Variants in BBS9 observed in about 807,000 individuals in gnomAD.
BBS9 encodes the protein Bardet-Biedl syndrome 9, also known as protein PTHB1.
A neutral mutation model predicts 117.7 loss-of-function variants in BBS9; 89 were observed. The observed-to-expected ratio is 0.76, with a 90% CI of 0.64 to 0.90. BBS9 has a LOEUF of 0.90. Among genes scored for constraint, BBS9 ranks in the 40% least tolerant of loss-of-function variants. The pLI, the probability that BBS9 is intolerant of heterozygous loss-of-function variation, is 0.00. For synonymous variants in BBS9, 379 were observed against 370.9 expected, an observed-to-expected ratio of 1.02 and a Z score of -0.25; for missense variants, 982 against 1,042.2, an observed-to-expected ratio of 0.94 and a Z score of 0.80.
intron 5 of BBS9, among the ~76,000 whole-genome samples, chr7:33,188,530 C>G (rs1167924142): frequency 6.6e-6 from 1 of 151,838 alleles, no homozygotes; most frequent in Non-Finnish European, 1.5e-5. Context: ...TTGAGAATGA[C>G]AAATTTAAGG....
chr7:33,202,602 G>A (rs1201660081), intron 5 of BBS9, among the ~76,000 whole-genome samples: 1 of 152,248 alleles, frequency 6.6e-6, no homozygotes, highest in East Asian at 1.9e-4. Flanking sequence ...TGAAGGGGAA[G>A]CAGGCACGTC....
rs985558319 is a variant in BBS9 at position 33,167,226 on chromosome 7, T to C, written c.329-10252T>C. ...TCACAGCACTGATAACTGAAAGTTA[T>C]AGGTATTTTGACTTGGATCATGGAG... On this transcript the variant is annotated intron_variant, in intron 4 of 22. Coordinates refer to ENST00000242067, the MANE Select transcript of BBS9 (RefSeq NM_198428.3). Among the ~76,000 whole-genome samples, 5 of 152,280 alleles carry C rather than the reference T, an allele frequency of 3.3e-5. No homozygotes were observed. The East Asian group carries it at 7.7e-4, about 23-fold the overall frequency.
chr7:33,213,267 A>T (rs1223619700), intron 5 of BBS9, among the ~76,000 whole-genome samples: 1 of 152,142 alleles, frequency 6.6e-6, no homozygotes, highest in Non-Finnish European at 1.5e-5. Flanking sequence ...CACCACTACC[A>T]CTGGCCCACA....
intron 1 of BBS9, among the ~76,000 whole-genome samples, chr7:33,145,315 G>A (rs1792164428): frequency 6.6e-6 from 1 of 152,164 alleles, no homozygotes; most frequent in Non-Finnish European, 1.5e-5. Flanking sequence ...ATGTGATGCT[G>A]TGTTGTAATT....
At chr7:33,575,977 A>T (rs895148228) in intron 21 of BBS9, among the ~76,000 whole-genome samples, 16 of 152,010 alleles carry the variant, frequency 1.1e-4, no homozygotes. Flanking sequence ...CTGGAAGCAT[A>T]CCCTTTGAAA....
At chr7:33,302,050 A>G (rs979444433) in intron 9 of BBS9, among the ~76,000 whole-genome samples, 1 of 152,116 alleles carries the variant, frequency 6.6e-6, no homozygotes, top group Non-Finnish European at 1.5e-5. Context: ...ACCTTCTCAT[A>G]TGCTTGTTTG....
chr7:33,409,575 A>C (rs1254185494), intron 19 of BBS9, among the ~76,000 whole-genome samples: 5 of 152,098 alleles, frequency 3.3e-5, no homozygotes, highest in Admixed American at 2.6e-4. Context: ...TATAGTTTGA[A>C]CTTGGGTAAT....
intron 20 of BBS9, among the ~76,000 whole-genome samples, chr7:33,516,961 G>A (rs570025921): frequency 1.4e-4 from 22 of 152,274 alleles, no homozygotes; most frequent in African/African-American, 5.1e-4. Flanking sequence ...ATTTGGAGTG[G>A]TGAAACTCCC....
At chr7:33,221,781 G>A (rs1790282784) in intron 5 of BBS9, among the ~76,000 whole-genome samples, 1 of 152,196 alleles carries the variant, frequency 6.6e-6, no homozygotes, top group South Asian at 2.1e-4. Context: ...GAGGTATGTG[G>A]CAAGTTTGAA....
At position 33,582,875 on chromosome 7, in the gene BBS9, G is replaced by GT. The variant is rs548396708; in HGVS notation, c.2522-21987dup. Among the ~76,000 whole-genome samples the GT allele has an allele frequency of 3.0e-3, 459 of 152,224 alleles. 3 individuals are homozygous for GT. Among genetic ancestry groups the GT allele is most frequent in the African/African-American group, 0.011 (442 of 41,546 alleles). On this transcript the variant is annotated intron_variant, in intron 21 of 22. Transcript: ENST00000242067. ...TGCCATGGTGTTGCACGTCTGCTCA[G>GT]TTTGTGGGAGCTCCATACCACATCT...
At chr7:33,158,843 G>GC (rs1166547405) in intron 4 of BBS9, among the ~76,000 whole-genome samples, 8 of 151,578 alleles carry the variant, frequency 5.3e-5, no homozygotes, top group Admixed American at 2.0e-4. Flanking sequence ...GAATTGGGCA[G>GC]TCTCTTGAGC....
chr7:33,461,346 C>T (rs1367662382), intron 19 of BBS9, among the ~76,000 whole-genome samples: 3 of 152,060 alleles, frequency 2.0e-5, no homozygotes, highest in Middle Eastern at 3.4e-3. Context: ...AAAAGCTATT[C>T]CTAACTTTAT....
At chr7:33,547,822 A>C (rs538519093) in intron 21 of BBS9, among the ~76,000 whole-genome samples, 1 of 152,342 alleles carries the variant, frequency 6.6e-6, no homozygotes, top group East Asian at 1.9e-4. Context: ...GCTATAGTTT[A>C]TAAATAAAGA....
chr7:33,628,508 G>T (rs1221934075), intron 21 of BBS9, among the ~76,000 whole-genome samples: 1 of 152,176 alleles, frequency 6.6e-6, no homozygotes, highest in African/African-American at 2.4e-5. Flanking sequence ...ACCTATTATT[G>T]CTTAAGTAGA....
intron 9 of BBS9, among the ~76,000 whole-genome samples, chr7:33,318,068 C>G (rs1283106316): frequency 1.3e-5 from 2 of 152,068 alleles, no homozygotes; most frequent in Non-Finnish European, 2.9e-5. Flanking sequence ...CAATACAAAA[C>G]AGAACAAAAC....
chr7:33,362,147 T>A (rs1820739590), intron 16 of BBS9, among the ~76,000 whole-genome samples: 1 of 152,206 alleles, frequency 6.6e-6, no homozygotes, highest in South Asian at 2.1e-4. Context: ...GTATATGTTC[T>A]TTTTCATTTG....
At chr7:33,378,695 C>T (rs1181349370) in intron 17 of BBS9, among the ~76,000 whole-genome samples, 3 of 152,202 alleles carry the variant, frequency 2.0e-5, no homozygotes, top group Admixed American at 2.0e-4. Flanking sequence ...CTTGACTTCG[C>T]TGGAGGAAGA....
intron 19 of BBS9, among the ~76,000 whole-genome samples, chr7:33,394,155 C>G (rs1264002449): frequency 1.3e-5 from 2 of 152,068 alleles, no homozygotes; most frequent in Non-Finnish European, 2.9e-5. Context: ...GATTTGGCCT[C>G]TAGTGAATAA....
At chr7:33,148,473 C>T (rs1188608839) in intron 2 of BBS9, among the ~76,000 whole-genome samples, 1 of 152,156 alleles carries the variant, frequency 6.6e-6, no homozygotes, top group Non-Finnish European at 1.5e-5. Context: ...AGCAATTCTC[C>T]TGCCTTAGCC....
Sources: gnomAD v4.1 joint callset for allele counts (sites outside exome capture counted in the v4.1 genomes callset) on GRCh38, gnomAD v4.1.1 for gene constraint, MANE v1.5 for transcripts, NCBI Gene and HGNC (gene_info 2026-07-23, HGNC 2026-07-21) for gene names.